The following PTPRK variants were observed in gnomAD, a reference collection of about 807,000 sequenced individuals.
The protein encoded by PTPRK is receptor-type tyrosine-protein phosphatase kappa.
Under a neutral mutation model 178.0 loss-of-function variants are expected in PTPRK, and 75 were observed. That is an observed-to-expected ratio of 0.42 (90% CI 0.35 to 0.51). The LOEUF (loss-of-function observed/expected upper bound fraction) is 0.51. Ranked by LOEUF, PTPRK falls within the 20% of genes least tolerant of loss-of-function variation. PTPRK has a pLI of 0.02. For synonymous variants in PTPRK, 637 were observed against 620.6 expected (o/e 1.03, Z -0.39); for missense variants, 1,441 against 1,797.8 (o/e 0.80, Z 3.59).
chr6:128,189,979 T>G (rs986495184), intron 6 of PTPRK, among the ~76,000 whole-genome samples: 1 of 152,170 alleles, frequency 6.6e-6, no homozygotes, highest in African/African-American at 2.4e-5. Flanking sequence ...CATAATTTAA[T>G]AAATTCTTGA....
intron 1 of PTPRK, among the ~76,000 whole-genome samples, chr6:128,417,346 G>T (rs1275038651): frequency 6.6e-6 from 1 of 152,110 alleles, no homozygotes; most frequent in African/African-American, 2.4e-5. Context: ...TTTCAAAATT[G>T]CCCTATGGAT....
intron 2 of PTPRK, among the ~76,000 whole-genome samples, chr6:128,383,525 T>C (rs1838250125): frequency 6.6e-6 from 1 of 152,214 alleles, no homozygotes; most frequent in Non-Finnish European, 1.5e-5. Flanking sequence ...CCCTTTTTCC[T>C]TTGTGTAAAT....
chr6:128,020,756 T>A (rs9491903), intron 13 of PTPRK, among the ~76,000 whole-genome samples: 17,842 of 152,168 alleles, frequency 0.12, 3,054 homozygotes, highest in African/African-American at 0.38. Flanking sequence ...TTAAACCTAT[T>A]CCCACTCTGC....
At chr6:128,316,796 C>T (rs1470458313) in intron 3 of PTPRK, among the ~76,000 whole-genome samples, 1 of 150,252 alleles carries the variant, frequency 6.7e-6, no homozygotes, top group Admixed American at 6.6e-5. Context: ...CCACTCACTG[C>T]AACCTCCGCC....
chr6:128,515,242 A>G (rs1024259563), intron 1 of PTPRK, among the ~76,000 whole-genome samples: 2 of 152,254 alleles, frequency 1.3e-5, no homozygotes, highest in African/African-American at 4.8e-5. Context: ...GTTCTGTGAC[A>G]TTAAAAGATT....
chr6:128,335,525 A>G (rs1476958303), intron 2 of PTPRK, among the ~76,000 whole-genome samples: 1 of 151,926 alleles, frequency 6.6e-6, no homozygotes, highest in African/African-American at 2.4e-5. Context: ...GGGATGAAAT[A>G]AGTGCTTACA....
chr6:128,513,703 G>A (rs187156433), intron 1 of PTPRK, among the ~76,000 whole-genome samples: 5 of 152,154 alleles, frequency 3.3e-5, no homozygotes, highest in Admixed American at 3.3e-4. Flanking sequence ...AAATCACCTG[G>A]GGATTTCATC....
intron 22 of PTPRK, among the ~76,000 whole-genome samples, chr6:127,985,098 C>T (rs1775790517): frequency 6.6e-6 from 1 of 152,116 alleles, no homozygotes; most frequent in South Asian, 2.1e-4. Context: ...TCTGGTCACA[C>T]CTCAAAATGA....
At chr6:128,004,844 G>T (rs1334554332) in intron 15 of PTPRK, 1 of 429,856 alleles carries the variant, frequency 2.3e-6, no homozygotes, top group Non-Finnish European at 4.2e-6. Context: ...GTATATGTTT[G>T]GAATATCCCT....
rs547798668 is a variant in PTPRK at position 128,156,499 on chromosome 6, G to T, written c.1162+27933C>A. Among the ~76,000 whole-genome samples the T allele has an allele frequency of 6.6e-5, 10 of 151,892 alleles. No homozygotes were observed. The South Asian group carries it at 1.2e-3, about 19-fold the overall frequency. On this transcript the variant is annotated intron_variant, in intron 7 of 29. Transcript: ENST00000368226. Reference sequence around the variant, plus strand: ...GTGGAGCAAGAGAGAGAGAGAGACAGTGAAGGTGGAAGTGCCATGTGCTTA... The same window carrying T: ...GTGGAGCAAGAGAGAGAGAGAGACATTGAAGGTGGAAGTGCCATGTGCTTA...
intron 2 of PTPRK, among the ~76,000 whole-genome samples, chr6:128,342,922 A>T (rs1831870797): frequency 6.6e-6 from 1 of 150,408 alleles, no homozygotes; most frequent in Non-Finnish European, 1.5e-5. Context: ...CCTCATTTCT[A>T]AAAAAAAACA....
At chr6:128,092,400 G>C (rs949353634) in intron 7 of PTPRK, among the ~76,000 whole-genome samples, 1 of 152,078 alleles carries the variant, frequency 6.6e-6, no homozygotes, top group African/African-American at 2.4e-5. Context: ...TGATTGTTTT[G>C]AGCTGCGTGG....
intron 3 of PTPRK, among the ~76,000 whole-genome samples, chr6:128,245,631 T>C (rs905821109): frequency 6.6e-6 from 1 of 152,194 alleles, no homozygotes; most frequent in Non-Finnish European, 1.5e-5. Context: ...GGGGTCTTTG[T>C]GGTAAGCAGA....
chr6:128,435,999 A>AAT (rs1160493296), intron 1 of PTPRK, among the ~76,000 whole-genome samples: 6 of 131,964 alleles, frequency 4.5e-5, no homozygotes, highest in East Asian at 2.4e-4. Context: ...GGAAAAAAAA[A>AAT]ATATATATAT....
rs143239991 is a variant in PTPRK, at chr6:128,482,502, C to A, written c.100+37757G>T. Reference sequence around the variant, plus strand: ...CCTGTTTAAAATAAAATTTATACACCAGAAGAGGTGGATAGAAACATACTT... The same window carrying A: ...CCTGTTTAAAATAAAATTTATACACAAGAAGAGGTGGATAGAAACATACTT... On this transcript the variant is annotated intron_variant, in intron 1 of 29. Coordinates refer to ENST00000368226, the MANE Select transcript of PTPRK (RefSeq NM_002844.4). Among the ~76,000 whole-genome samples the A allele has an allele frequency of 2.5e-3, 376 of 152,046 alleles. 1 individual carries two copies. The highest frequency in any genetic ancestry group is 8.9e-3 in the African/African-American group (368 of 41,500).
chr6:128,090,428 T>C (rs2115025933), intron 7 of PTPRK, among the ~76,000 whole-genome samples: 1 of 152,368 alleles, frequency 6.6e-6, no homozygotes, highest in African/African-American at 2.4e-5. Context: ...CGAATTATTC[T>C]AATTGTAACA....
chr6:128,354,229 A>ATATTTTTTTTT (rs1201996929), intron 2 of PTPRK, among the ~76,000 whole-genome samples: 1 of 27,748 alleles, frequency 3.6e-5, no homozygotes, highest in Non-Finnish European at 7.7e-5. Flanking sequence ...TTTTTTGTTT[A>ATATTTTTTTTT]TGTTTTTTTT....
At chr6:128,014,704 T>A (rs894186751) in intron 13 of PTPRK, among the ~76,000 whole-genome samples, 2 of 151,610 alleles carry the variant, frequency 1.3e-5, no homozygotes, top group African/African-American at 4.8e-5. Flanking sequence ...ATTATATAAA[T>A]ATACAATGAC....
intron 27 of PTPRK, among the ~76,000 whole-genome samples, chr6:127,974,871 T>C (rs945294249): frequency 7.2e-5 from 11 of 152,150 alleles, no homozygotes; most frequent in Non-Finnish European, 1.5e-5. Flanking sequence ...TCCCCAAAAG[T>C]AGTAGTGTTG....
Sources: gnomAD v4.1 joint callset for allele counts (sites outside exome capture counted in the v4.1 genomes callset) on GRCh38, gnomAD v4.1.1 for gene constraint, MANE v1.5 for transcripts, NCBI Gene and HGNC (gene_info 2026-07-23, HGNC 2026-07-21) for gene names.